PLCB4: variants seen among roughly 807,000 people sequenced by gnomAD.
PLCB4 encodes the protein 1-phosphatidylinositol 4,5-bisphosphate phosphodiesterase beta-4.
In PLCB4, 77 loss-of-function variants were observed where a neutral mutation model predicts 178.8. The observed-to-expected ratio is 0.43, with a 90% CI of 0.36 to 0.52. PLCB4 has a LOEUF of 0.52. PLCB4 is among the 20% of genes least tolerant of loss of function. The probability of loss-of-function intolerance (pLI) is 0.00; values close to 1 mark genes in which losing one functional copy is unlikely to be tolerated. For missense variants in PLCB4, 1,024 were observed against 1,453.4 expected (o/e 0.70, Z 4.80); for synonymous variants, 496 against 490.8 (o/e 1.01, Z -0.14).
At chr20:9,292,183 A>G (rs559222287) in intron 3 of PLCB4, among the ~76,000 whole-genome samples, 3 of 152,316 alleles carry the variant, frequency 2.0e-5, no homozygotes, top group African/African-American at 7.2e-5. Flanking sequence ...GCCGGAGGCA[A>G]CCTTCAGAGA....
chr20:9,390,806 T>C (rs1488798780), intron 17 of PLCB4, among the ~76,000 whole-genome samples, 191 bp downstream of exon 17: 1 of 152,196 alleles, frequency 6.6e-6, no homozygotes, highest in African/African-American at 2.4e-5. Flanking sequence ...TTCAATTTCA[T>C]TTGGAGGATC....
chr20:9,261,553 T>C (rs1046370158), intron 3 of PLCB4, among the ~76,000 whole-genome samples: 2 of 152,208 alleles, frequency 1.3e-5, no homozygotes. Context: ...TAGATCATTT[T>C]AGAGAAATCA....
intron 3 of PLCB4, among the ~76,000 whole-genome samples, chr20:9,284,409 T>C (rs80334554): frequency 0.028 from 4,246 of 151,840 alleles, 168 homozygotes; most frequent in African/African-American, 0.089. Context: ...GAATAGGAGA[T>C]GAATGGAGAG....
At chr20:9,360,844 A>G (rs979852198) in intron 7 of PLCB4, among the ~76,000 whole-genome samples, 2 of 152,240 alleles carry the variant, frequency 1.3e-5, no homozygotes, top group East Asian at 3.8e-4. Context: ...TGCTAGTCAC[A>G]AAAGAAAATT....
At chr20:9,227,626 G>T (rs1215722590) in intron 3 of PLCB4, among the ~76,000 whole-genome samples, 1 of 151,990 alleles carries the variant, frequency 6.6e-6, no homozygotes, top group African/African-American at 2.4e-5. Context: ...GGAGTCTATT[G>T]GCTGTAGATT....
At chr20:9,409,422 A>G (rs900790298) in intron 24 of PLCB4, among the ~76,000 whole-genome samples, 4 of 152,058 alleles carry the variant, frequency 2.6e-5, no homozygotes, top group African/African-American at 7.2e-5. Context: ...TGCCATGACT[A>G]TTCCTGCTAA....
At chr20:9,194,938 T>G (rs1271660717) in intron 2 of PLCB4, among the ~76,000 whole-genome samples, 3 of 152,192 alleles carry the variant, frequency 2.0e-5, no homozygotes, top group African/African-American at 7.2e-5. Flanking sequence ...GCCTCTCTTT[T>G]TGTGCAGTAA....
intron 3 of PLCB4, among the ~76,000 whole-genome samples, chr20:9,290,995 C>T (rs528681337): frequency 1.3e-5 from 2 of 152,252 alleles, no homozygotes; most frequent in South Asian, 4.1e-4. Flanking sequence ...CTAGTTGGGA[C>T]AGAGCTGGGG....
chr20:9,476,573 G>A, intron 38 of PLCB4, 144 bp from the exon 39 acceptor site: 1 of 565,086 alleles, frequency 1.8e-6, no homozygotes. Context: ...TGTCACTGAG[G>A]GGTGTGTACA....
intron 6 of PLCB4, 121 bp from the exon 7 acceptor site, chr20:9,338,773 G>A: frequency 2.9e-6 from 2 of 687,508 alleles, no homozygotes; most frequent in Non-Finnish European, 4.9e-6. Context: ...TTAGAATAAT[G>A]CTAGGTGTCT....
At chr20:9,302,970 C>G (rs567423843) in intron 3 of PLCB4, among the ~76,000 whole-genome samples, 3 of 151,996 alleles carry the variant, frequency 2.0e-5, no homozygotes, top group African/African-American at 7.2e-5. Context: ...GTGAGACAAT[C>G]ATAGAACACA....
chr20:9,141,981 G>T (rs1189606656), intron 2 of PLCB4, among the ~76,000 whole-genome samples: 1 of 152,126 alleles, frequency 6.6e-6, no homozygotes, highest in Non-Finnish European at 1.5e-5. Flanking sequence ...ACAGGGTAGG[G>T]GTGGGAGGTT....
chr20:9,438,297 C>T (rs942182107), intron 30 of PLCB4, among the ~76,000 whole-genome samples: 7 of 148,086 alleles, frequency 4.7e-5, no homozygotes, highest in African/African-American at 1.3e-4. Context: ...GCCCGGGAGG[C>T]GGAGCTTGCA....
intron 3 of PLCB4, among the ~76,000 whole-genome samples, chr20:9,223,670 A>G (rs1416087756): frequency 6.6e-6 from 1 of 152,174 alleles, no homozygotes; most frequent in Non-Finnish European, 1.5e-5. Context: ...CTTCAGTGTG[A>G]TTATTCTGTC....
intron 3 of PLCB4, among the ~76,000 whole-genome samples, chr20:9,270,685 G>T (rs901678566): frequency 2.6e-5 from 4 of 151,888 alleles, no homozygotes; most frequent in African/African-American, 9.7e-5. Context: ...GATTAATAAG[G>T]TTATATAGTT....
At position 9,362,667 on chromosome 20, in the gene PLCB4, GT is replaced by G. The variant is rs1205037134; in HGVS notation, c.370-226del. The stretch of plus-strand genomic sequence containing the variant: ...CAACATTCCTTTGTGGCAGCCCAGA[GT>G]TTAATGGCACAATAGATGGCACATT... On this transcript the variant is annotated intron_variant, in intron 7 of 39. Coordinates refer to ENST00000378473, the MANE Select transcript of PLCB4 (RefSeq NM_001377142.1). Among the ~76,000 whole-genome samples the G allele has an allele frequency of 1.3e-5, 2 of 152,190 alleles. 1 individual carries two copies. Among genetic ancestry groups the G allele is most frequent in the Middle Eastern group, 6.3e-3 (2 of 316 alleles).
At chr20:9,443,121 G>A (rs1357106633) in intron 30 of PLCB4, among the ~76,000 whole-genome samples, 2 of 152,132 alleles carry the variant, frequency 1.3e-5, no homozygotes, top group African/African-American at 4.8e-5. Flanking sequence ...ATGACTTAGT[G>A]TATTACCCTA....
intron 3 of PLCB4, among the ~76,000 whole-genome samples, chr20:9,277,769 A>T (rs2094462489): frequency 6.6e-6 from 1 of 151,986 alleles, no homozygotes; most frequent in East Asian, 1.9e-4. Context: ...AAGGCCATAG[A>T]CAGCTTTCCT....
chr20:9,187,522 A>C (rs1043053114), intron 2 of PLCB4, among the ~76,000 whole-genome samples: 20 of 152,188 alleles, frequency 1.3e-4, no homozygotes, highest in African/African-American at 4.6e-4. Flanking sequence ...TCTGAGGGTG[A>C]GGATTACGTT....
Sources: gnomAD v4.1 joint callset for allele counts (sites outside exome capture counted in the v4.1 genomes callset) on GRCh38, gnomAD v4.1.1 for gene constraint, MANE v1.5 for transcripts, NCBI Gene and HGNC (gene_info 2026-07-23, HGNC 2026-07-21) for gene names.